HNRNPAB: variants seen among roughly 807,000 people sequenced by gnomAD.
HNRNPAB encodes the protein ABBP-1.
HNRNPAB carries 17 observed loss-of-function variants against 44.1 expected under a neutral mutation model. That is an observed-to-expected ratio of 0.39 (90% CI 0.26 to 0.58). The LOEUF is 0.58. Ranked by LOEUF, HNRNPAB falls within the 20% of genes least tolerant of loss-of-function variation. The pLI, the probability that HNRNPAB is intolerant of heterozygous loss-of-function variation, is 0.63. For missense variants in HNRNPAB, 393 were observed against 432.7 expected, an observed-to-expected ratio of 0.91 and a Z score of 0.81; for synonymous variants, 183 against 167.6, an observed-to-expected ratio of 1.09 and a Z score of -0.71.
Position 178,204,963 on chromosome 5 carries a change from C to T in HNRNPAB, c.126C>T (p.Gly42=). 2.5e-6 allele frequency: 3 copies of T among 1,208,838 alleles called. No individual in the cohort carries two copies. The highest frequency in any genetic ancestry group is 4.4e-5 in the Admixed American group (1 of 22,798). The allele number at this position is 1,208,838 out of a possible 1,614,324, so 74.9% of individuals were successfully genotyped here. ...AGTGAAAGAG[G]ATAAPPSGNQ... The stretch of plus-strand genomic sequence containing the variant: ...CGGGCGCCGCGGCGGGGGCTGGAGG[C>T]GCGACCGCGGCGCCCCCGAGCGGGA... Residue 42 remains glycine (G), a synonymous_variant, in exon 2 of 8, where the codon GGC becomes GGT. Transcript: ENST00000358344.
chr5:178,209,575 A>T, intron 6 of HNRNPAB, 128 bp downstream of exon 6: 1 of 744,408 alleles, frequency 1.3e-6, no homozygotes, highest in Non-Finnish European at 2.3e-6. Context: ...GGGGACGAAC[A>T]GGAATAGGAA....
rs1581155152 is a variant in HNRNPAB at position 178,204,719 on chromosome 5, C to A, written c.-45C>A. Reference sequence around the variant, plus strand: ...CCCTGCGGGTGGGGACGAGCGGGCCCCGCGGCGTCATCGGCGGCGAGGTGA... The same window carrying A: ...CCCTGCGGGTGGGGACGAGCGGGCCACGCGGCGTCATCGGCGGCGAGGTGA... On this transcript the variant is annotated 5_prime_UTR_variant, in exon 1 of 8. Transcript: ENST00000358344. The A allele has an allele frequency of 1.9e-6, 1 of 526,216 alleles. No individual in the cohort carries two copies. Among genetic ancestry groups the A allele is most frequent in the East Asian group, 4.5e-5 (1 of 22,424 alleles). 32.6% of individuals were successfully genotyped at this position (526,216 alleles called of 1,614,324 possible). A position where few individuals can be genotyped will look rare whatever the true frequency, so the allele number is the denominator to read the frequency against.
At chr5:178,207,995 G>A (rs142221682) in intron 5 of HNRNPAB, among the ~76,000 whole-genome samples, 1 of 152,132 alleles carries the variant, frequency 6.6e-6, no homozygotes, top group Non-Finnish European at 1.5e-5. Flanking sequence ...ACCTCTTTAA[G>A]TTAACCCTAA....
In HNRNPAB at chr5:178,204,891, C is replaced by T; in HGVS notation, c.54C>T (p.Asn18=). The T allele has an allele frequency of 1.6e-6, 2 of 1,212,262 alleles. No individual in the cohort carries two copies. The highest frequency in any genetic ancestry group is 1.6e-5 in the African/African-American group (1 of 63,484). 75.1% of individuals were successfully genotyped at this position (1,212,262 alleles called of 1,614,324 possible). ...QPMETTGATE[N]GHEAVPEGES... ...TGGAGACGACGGGCGCCACCGAGAA[C>T]GGACATGAGGCCGTCCCCGAAGGCG... The change falls in exon 2 of 8, where the codon AAC becomes AAT. Residue 18 remains asparagine (N), a synonymous_variant. Transcript: ENST00000358344.
chr5:178,204,844 G>A lies in HNRNPAB; in HGVS notation c.7G>A (p.Glu3Lys). The A allele has an allele frequency of 8.2e-7, 1 of 1,219,536 alleles. No individual in the cohort carries two copies. The highest frequency in any genetic ancestry group is 3.3e-5 in the East Asian group (1 of 30,022). The allele number at this position is 1,219,536 out of a possible 1,614,324, so 75.5% of individuals were successfully genotyped here. MSEAGEEQPMETT... is the reference protein window; with the variant it reads MSKAGEEQPMETT... Reference sequence around the variant, plus strand: ...CGCCGCGCCTCGGCCTAGCATGTCGGAAGCGGGCGAGGAGCAGCCCATGGA... The same window carrying A: ...CGCCGCGCCTCGGCCTAGCATGTCGAAAGCGGGCGAGGAGCAGCCCATGGA... Residue 3 changes from glutamate (E) to lysine (K), a missense_variant, in exon 2 of 8, where the codon GAA (glutamate) becomes AAA (lysine). By Grantham distance (56) the Glu-to-Lys change is moderately conservative. This residue lies in a region of HNRNPAB where 81 missense variants were observed against 73.4 expected (regional missense o/e 1.10). Transcript: ENST00000358344.
intron 3 of HNRNPAB, among the ~76,000 whole-genome samples, chr5:178,206,474 G>A (rs1757063301): frequency 6.6e-6 from 1 of 152,210 alleles, no homozygotes. Context: ...CGCTTCTGGA[G>A]ATGGGCCTCA....
chr5:178,205,610 G>A (rs1354808011), intron 2 of HNRNPAB: 2 of 495,526 alleles, frequency 4.0e-6, no homozygotes, highest in Non-Finnish European at 7.3e-6. Context: ...TGGTGAGGTG[G>A]TCCCTTCTTT....
chr5:178,204,827 C>A lies in HNRNPAB; in HGVS notation c.-11C>A. ...CCGCTGGTTGCAGGAGCCGCCGCGC[C>A]TCGGCCTAGCATGTCGGAAGCGGGC... On this transcript the variant is annotated 5_prime_UTR_variant, in exon 2 of 8. Transcript: ENST00000358344. 1 of 1,217,892 alleles carries A rather than the reference C, an allele frequency of 8.2e-7. No individual in the cohort carries two copies. The highest frequency in any genetic ancestry group is 1.0e-6 in the Non-Finnish European group (1 of 979,202). The allele number at this position is 1,217,892 out of a possible 1,614,324, so 75.4% of individuals were successfully genotyped here.
At chr5:178,206,700 TG>T (rs766958250) in intron 3 of HNRNPAB, 31 bp from the exon 4 acceptor site, 4 of 1,608,724 alleles carry the variant, frequency 2.5e-6, no homozygotes, top group Non-Finnish European at 1.7e-6. Flanking sequence ...CTCGTGCTGC[TG>T]AGTCAGCCTG....
At chr5:178,209,540 AGG>A in intron 6 of HNRNPAB, 93 bp downstream of exon 6, 1 of 1,023,720 alleles carries the variant, frequency 9.8e-7, no homozygotes, top group Non-Finnish European at 1.5e-6. Context: ...GCTGTGCAGC[AGG>A]GGTGGGCAGA....
At chr5:178,210,104 G>C (rs747544038) in intron 6 of HNRNPAB, 28 bp from the exon 7 acceptor site, 2 of 1,611,472 alleles carry the variant, frequency 1.2e-6, no homozygotes, top group African/African-American at 2.7e-5. Context: ...AATGGTCCAC[G>C]GGCCCCTGTG....
rs1227412573 is a variant in HNRNPAB at position 178,209,326 on chromosome 5, T to C, written c.670-4T>C. 1 of 1,613,748 alleles carries C rather than the reference T, an allele frequency of 6.2e-7. No homozygotes were observed. Among genetic ancestry groups the C allele is most frequent in the Non-Finnish European group, 8.5e-7 (1 of 1,179,628 alleles). On this transcript the variant is annotated splice_region_variant and splice_polypyrimidine_tract_variant and intron_variant, in intron 5 of 7. Coordinates refer to ENST00000358344, the MANE Select transcript of HNRNPAB (RefSeq NM_031266.3). ...GGCCTGACCACTGTCCTCTTGACTT[T>C]TAGTGTGAGATCAAGGTGGCCCAGC...
In HNRNPAB at chr5:178,206,025, G is replaced by A; in HGVS notation, c.378+15G>A. The A allele has an allele frequency of 6.2e-7, 1 of 1,605,580 alleles. No homozygotes were observed. The highest frequency in any genetic ancestry group is 1.3e-5 in the African/African-American group (1 of 74,574). ...GTGTGGAGAAGGTAAGCTGGGTACT[G>A]GATTTCAGCAGTCTCAGTGGAAACG... On this transcript the variant is annotated intron_variant, in intron 3 of 7. Transcript: ENST00000358344.
intron 2 of HNRNPAB, 55 bp from the exon 3 acceptor site, chr5:178,205,787 A>C (rs1757033720): frequency 1.3e-6 from 2 of 1,574,508 alleles, no homozygotes; most frequent in South Asian, 2.4e-5. Context: ...GTCCTTTCCA[A>C]AATCACAGCT....
intron 7 of HNRNPAB, 29 bp from the exon 8 acceptor site, chr5:178,210,521 ATAG>A: frequency 6.2e-7 from 1 of 1,606,524 alleles, no homozygotes; most frequent in Admixed American, 1.7e-5. Context: ...ATGCTTGTAA[ATAG>A]TAGCTGCTAT....
chr5:178,208,067 G>C (rs1172701075), intron 5 of HNRNPAB, among the ~76,000 whole-genome samples: 1 of 152,232 alleles, frequency 6.6e-6, no homozygotes, highest in Admixed American at 6.5e-5. Context: ...TCCAGGGTCA[G>C]TTGTGCTTTC....
At chr5:178,209,660 CAG>C (rs1255365316) in intron 6 of HNRNPAB, among the ~76,000 whole-genome samples, 2 of 151,966 alleles carry the variant, frequency 1.3e-5, no homozygotes, top group African/African-American at 4.8e-5. Flanking sequence ...GTGCCCAGGG[CAG>C]AGAGAGCATT....
intron 5 of HNRNPAB, 50 bp from the exon 6 acceptor site, chr5:178,209,280 C>G: frequency 2.1e-6 from 3 of 1,451,194 alleles, no homozygotes; most frequent in Non-Finnish European, 2.9e-6. Flanking sequence ...TGGGCAGTCA[C>G]TGCCCTGAGT....
chr5:178,210,189 A>T lies in HNRNPAB; in HGVS notation c.845A>T (p.Tyr282Phe). The T allele has an allele frequency of 6.2e-7, 1 of 1,613,108 alleles. No individual in the cohort carries two copies. The highest frequency in any genetic ancestry group is 8.5e-7 in the Non-Finnish European group (1 of 1,179,122). Reference protein sequence around the residue: ...YGNYWNQGYGYQQGYGPGYGG... With the variant: ...YGNYWNQGYGFQQGYGPGYGG... ...AACTACTGGAACCAGGGCTACGGCT[A>T]CCAGCAGGGCTACGGGCCTGGCTAT... The change falls in exon 7 of 8, where the codon TAC becomes TTC. Residue 282 changes from tyrosine to phenylalanine, a missense_variant. By Grantham distance (22) the Tyr-to-Phe change is conservative. Around this residue, in one of 3 missense-constraint regions of HNRNPAB, gnomAD observed 210 missense variants for 196.9 expected, o/e 1.07. Coordinates refer to ENST00000358344, the MANE Select transcript of HNRNPAB (RefSeq NM_031266.3).
Sources: gnomAD v4.1 joint callset for allele counts (sites outside exome capture counted in the v4.1 genomes callset) on GRCh38, gnomAD v4.1.1 for gene constraint, gnomAD v4.1.1 regional missense constraint, MANE v1.5 for transcripts, NCBI Gene and HGNC (gene_info 2026-07-23, HGNC 2026-07-21) for gene names.